Variants in MSMP observed in about 807,000 individuals in gnomAD.
MSMP encodes microseminoprotein, prostate associated.
MSMP carries 9 observed loss-of-function variants against 15.8 expected under a neutral mutation model. That is an observed-to-expected ratio of 0.57 (90% confidence interval 0.34 to 0.99). The LOEUF is 0.99. MSMP is among the 50% of genes least tolerant of loss of function. The probability of loss-of-function intolerance (pLI) is 0.02; values close to 1 mark genes in which losing one functional copy is unlikely to be tolerated. For synonymous variants in MSMP, 64 were observed against 64.4 expected, an observed-to-expected ratio of 0.99 and a Z score of 0.03; for missense variants, 170 against 173.4, an observed-to-expected ratio of 0.98 and a Z score of 0.11.
chr9:35,753,990 C>T lies in MSMP; in HGVS notation c.130+10G>A. The T allele has an allele frequency of 6.2e-7, 1 of 1,610,402 alleles. No homozygotes were observed. Among genetic ancestry groups the T allele is most frequent in the Non-Finnish European group, 8.5e-7 (1 of 1,177,526 alleles). ...TGCTCCTCCATTCCTAACGCTTCAC[C>T]CCACTTTACCTTGAGCTTGGAAGTA... On this transcript the variant is annotated intron_variant, in intron 1 of 2. Coordinates refer to ENST00000436428, the MANE Select transcript of MSMP (RefSeq NM_001044264.3). The surrounding 1 kb of genome is among the most constrained non-coding windows in gnomAD (Gnocchi z 4.2).
Position 35,753,627 on chromosome 9 carries a change from A to G in MSMP, c.239+33T>C. On this transcript the variant is annotated intron_variant, in intron 2 of 2. Coordinates refer to ENST00000436428, the MANE Select transcript of MSMP (RefSeq NM_001044264.3). This position sits in a 1 kb window ranked among gnomAD's most constrained non-coding sequence, Gnocchi z 4.2. ...GTCATCCCTCAGTCACTCATATCAG[A>G]GTCATTCTCTCTGGCCATCTTTGGT... The G allele has an allele frequency of 4.4e-5, 63 of 1,431,574 alleles. No individual in the cohort carries two copies. Among genetic ancestry groups the G allele is most frequent in the Non-Finnish European group, 5.8e-5 (59 of 1,016,322 alleles). 88.7% of individuals were successfully genotyped at this position (1,431,574 alleles called of 1,614,324 possible). A position where few individuals can be genotyped will look rare whatever the true frequency, so the allele number is the denominator to read the frequency against.
Position 35,754,273 on chromosome 9 carries a change from C to T in MSMP, c.-144G>A. 2 of 1,022,302 alleles carry T rather than the reference C, an allele frequency of 2.0e-6. No individual in the cohort carries two copies. The highest frequency in any genetic ancestry group is 2.8e-6 in the Non-Finnish European group (2 of 724,832). 63.3% of individuals were successfully genotyped at this position (1,022,302 alleles called of 1,614,324 possible). A position where few individuals can be genotyped will look rare whatever the true frequency, so the allele number is the denominator to read the frequency against. ...CTCCTGTCTCACACTATCTCCCTGCCCTCTGCTCTCACAGGCTGGGGATGT... is the reference window on the plus strand; with the variant it reads ...CTCCTGTCTCACACTATCTCCCTGCTCTCTGCTCTCACAGGCTGGGGATGT... On this transcript the variant is annotated 5_prime_UTR_variant, in exon 1 of 3. Transcript: ENST00000436428.
chr9:35,753,367 C>A lies in MSMP; in HGVS notation c.240-87G>T. The stretch of plus-strand genomic sequence containing the variant: ...ACATGTTCCCTCTCTCACAGTTTTC[C>A]CCCCACAGAGCCCCTTTCAGTGGCC... On this transcript the variant is annotated intron_variant, in intron 2 of 2. Coordinates refer to ENST00000436428, the MANE Select transcript of MSMP (RefSeq NM_001044264.3). This position sits in a 1 kb window ranked among gnomAD's most constrained non-coding sequence, Gnocchi z 4.2. The A allele has an allele frequency of 6.9e-7, 1 of 1,453,636 alleles. No individual in the cohort carries two copies. Among genetic ancestry groups the A allele is most frequent in the Non-Finnish European group, 9.3e-7 (1 of 1,072,388 alleles). The allele number at this position is 1,453,636 out of a possible 1,614,324, so 90.0% of individuals were successfully genotyped here. A position where few individuals can be genotyped will look rare whatever the true frequency, so the allele number is the denominator to read the frequency against.
Position 35,753,317 on chromosome 9 carries a change from T to G in MSMP, c.240-37A>C, listed in dbSNP as rs1313674287. 1 of 1,597,990 alleles carries G rather than the reference T, an allele frequency of 6.3e-7. No homozygotes were observed. The highest frequency in any genetic ancestry group is 8.5e-7 in the Non-Finnish European group (1 of 1,172,592). On this transcript the variant is annotated intron_variant, in intron 2 of 2. Coordinates refer to ENST00000436428, the MANE Select transcript of MSMP (RefSeq NM_001044264.3). The surrounding 1 kb of genome is among the most constrained non-coding windows in gnomAD (Gnocchi z 4.2). ...AGGATAGGGGAAGGAGTCAGCACAGTGAAAGGCTGCCTTTATCCCTGCCCA... is the reference window on the plus strand; with the variant it reads ...AGGATAGGGGAAGGAGTCAGCACAGGGAAAGGCTGCCTTTATCCCTGCCCA...
chr9:35,753,169 T>G lies in MSMP; in HGVS notation c.351A>C (p.Gly117=). The G allele has an allele frequency of 1.2e-6, 2 of 1,614,060 alleles. No individual in the cohort carries two copies. Among genetic ancestry groups the G allele is most frequent in the Non-Finnish European group, 1.7e-6 (2 of 1,179,996 alleles). Residue 117 remains glycine (G), a synonymous_variant, in exon 3 of 3, where the codon GGA becomes GGC. Transcript: ENST00000436428. The surrounding 1 kb of genome is among the most constrained non-coding windows in gnomAD (Gnocchi z 4.2). The part of the protein sequence containing the change: ...KSDPRLPCKG[G]GPDPEWGSAN... ...CTGAGCCCCATTCTGGGTCAGGCCC[T>G]CCCCCTTTGCAGGGCAGCCGAGGGT... is the stretch of plus-strand genomic sequence containing the variant.
chr9:35,753,080 A>G lies in MSMP; in HGVS notation c.*20T>C, dbSNP rs1440851571. The G allele has an allele frequency of 2.2e-5, 35 of 1,610,830 alleles. No individual in the cohort carries two copies. The highest frequency in any genetic ancestry group is 3.0e-5 in the Non-Finnish European group (35 of 1,177,542). On this transcript the variant is annotated 3_prime_UTR_variant, in exon 3 of 3. Transcript: ENST00000436428. The surrounding 1 kb of genome is among the most constrained non-coding windows in gnomAD (Gnocchi z 4.2). ...GTGGCAGCAGCAGTGAGCAGTCAGC[A>G]GATGGATGATCAGTTGAGTTTAGCT...
rs1485560520 is a variant in MSMP, at chr9:35,754,075, C to A, written c.55G>T (p.Gly19Trp). ...GQAKGILGGW[G>W]IICLVMSLLL... ...AGAGACATCACCAAGCAGATGATCC[C>A]CCAGCCTCCTAGGATCCCCTTGGCC... Residue 19 changes from glycine (G) to tryptophan (W), a missense_variant, in exon 1 of 3, where the codon GGG becomes TGG. Physicochemically the swap from Gly to Trp is radical, Grantham distance 184. Transcript: ENST00000436428. The A allele has an allele frequency of 2.5e-6, 4 of 1,613,580 alleles. No individual in the cohort carries two copies. The highest frequency in any genetic ancestry group is 3.4e-6 in the Non-Finnish European group (4 of 1,179,714).
Position 35,754,170 on chromosome 9 carries a change from T to C in MSMP, c.-41A>G. ...CTCTCAGACCCTTCTTGGCCTCTGC[T>C]CAGCTACTCTGGTCTTGACTCCTTG... On this transcript the variant is annotated 5_prime_UTR_variant, in exon 1 of 3. Transcript: ENST00000436428. 6.3e-7 allele frequency: 1 copy of C among 1,586,368 alleles called. No individual in the cohort carries two copies. Among genetic ancestry groups the C allele is most frequent in the Non-Finnish European group, 8.6e-7 (1 of 1,164,550 alleles).
Position 35,753,019 on chromosome 9 carries a change from A to G in MSMP, c.*81T>C. 2 of 1,564,158 alleles carry G rather than the reference A, an allele frequency of 1.3e-6. No individual in the cohort carries two copies. The highest frequency in any genetic ancestry group is 8.7e-7 in the Non-Finnish European group (1 of 1,144,882). On this transcript the variant is annotated 3_prime_UTR_variant, in exon 3 of 3. Coordinates refer to ENST00000436428, the MANE Select transcript of MSMP (RefSeq NM_001044264.3). This position sits in a 1 kb window ranked among gnomAD's most constrained non-coding sequence, Gnocchi z 4.2. ...AGCTATAGCATTAATTTATTTGTTC[A>G]GAATACATTGGCAGCTGCTAGTGGT...
In MSMP at chr9:35,753,991, C is replaced by T; in HGVS notation, c.130+9G>A. The T allele has an allele frequency of 1.2e-6, 2 of 1,610,978 alleles. No homozygotes were observed. The highest frequency in any genetic ancestry group is 1.7e-6 in the Non-Finnish European group (2 of 1,177,900). On this transcript the variant is annotated intron_variant, in intron 1 of 2. Coordinates refer to ENST00000436428, the MANE Select transcript of MSMP (RefSeq NM_001044264.3). This position sits in a 1 kb window ranked among gnomAD's most constrained non-coding sequence, Gnocchi z 4.2. ...GCTCCTCCATTCCTAACGCTTCACC[C>T]CACTTTACCTTGAGCTTGGAAGTAG...
rs750768999 is a variant in MSMP at position 35,753,715 on chromosome 9, T to C, written c.184A>G (p.Lys62Glu). 25 of 1,614,142 alleles carry C rather than the reference T, an allele frequency of 1.5e-5. No homozygotes were observed. The Admixed American group carries it at 4.0e-4, about 26-fold the overall frequency. The change falls in exon 2 of 3, where the codon AAG (lysine) becomes GAG (glutamate). Residue 62 changes from lysine (K) to glutamate (E), a missense_variant. By Grantham distance (56) the Lys-to-Glu change is moderately conservative. Coordinates refer to ENST00000436428, the MANE Select transcript of MSMP (RefSeq NM_001044264.3). The surrounding 1 kb of genome is among the most constrained non-coding windows in gnomAD (Gnocchi z 4.2). ...AGACAGGTGCAATGGAAACAGTCCTTGCGGAGCCAAGACTCACCCAGGGTA... is the reference window on the plus strand; with the variant it reads ...AGACAGGTGCAATGGAAACAGTCCTCGCGGAGCCAAGACTCACCCAGGGTA... ...YFTLGESWLR[K>E]DCFHCTCLHP...
In MSMP at chr9:35,753,165, G is replaced by T; in HGVS notation, c.355C>A (p.Pro119Thr). Residue 119 changes from proline to threonine, a missense_variant, in exon 3 of 3, where the codon CCT (proline) becomes ACT (threonine). Physicochemically the swap from Pro to Thr is conservative, Grantham distance 38. Transcript: ENST00000436428. The surrounding 1 kb of genome is among the most constrained non-coding windows in gnomAD (Gnocchi z 4.2). The stretch of plus-strand genomic sequence containing the variant: ...TTGGCTGAGCCCCATTCTGGGTCAG[G>T]CCCTCCCCCTTTGCAGGGCAGCCGA... ...DPRLPCKGGG[P>T]DPEWGSANTP... 6.2e-7 allele frequency: 1 copy of T among 1,614,186 alleles called. No homozygotes were observed. The highest frequency in any genetic ancestry group is 8.5e-7 in the Non-Finnish European group (1 of 1,180,024).
Position 35,753,558 on chromosome 9 carries a change from C to T in MSMP, c.239+102G>A. 9.8e-7 allele frequency: 1 copy of T among 1,024,476 alleles called. No homozygotes were observed. Among genetic ancestry groups the T allele is most frequent in the Non-Finnish European group, 1.5e-6 (1 of 681,252 alleles). 63.5% of individuals were successfully genotyped at this position (1,024,476 alleles called of 1,614,324 possible). A position where few individuals can be genotyped will look rare whatever the true frequency, so the allele number is the denominator to read the frequency against. Reference sequence around the variant, plus strand: ...TTCAGGTTTGGCCCATCTTGTATTGCTCTTCTGTTCATTCTTACATCACAG... The same window carrying T: ...TTCAGGTTTGGCCCATCTTGTATTGTTCTTCTGTTCATTCTTACATCACAG... On this transcript the variant is annotated intron_variant, in intron 2 of 2. Transcript: ENST00000436428. This position sits in a 1 kb window ranked among gnomAD's most constrained non-coding sequence, Gnocchi z 4.2.
chr9:35,753,719 G>T lies in MSMP; in HGVS notation c.180C>A (p.Leu60=), dbSNP rs755520107. Residue 60 remains leucine (L), a synonymous_variant, in exon 2 of 3, where the codon CTC becomes CTA. Coordinates refer to ENST00000436428, the MANE Select transcript of MSMP (RefSeq NM_001044264.3). The surrounding 1 kb of genome is among the most constrained non-coding windows in gnomAD (Gnocchi z 4.2). The part of the protein sequence containing the change: ...GKYFTLGESW[L]RKDCFHCTCL... ...AGGTGCAATGGAAACAGTCCTTGCG[G>T]AGCCAAGACTCACCCAGGGTAAAAT... 6.2e-7 allele frequency: 1 copy of T among 1,614,070 alleles called. No homozygotes were observed. Among genetic ancestry groups the T allele is most frequent in the Non-Finnish European group, 8.5e-7 (1 of 1,180,030 alleles).
chr9:35,753,383 T>G lies in MSMP; in HGVS notation c.240-103A>C. ...ACAGTTTTCCCCCCACAGAGCCCCTTTCAGTGGCCCCTTGGTCCTCCTAAC... is the reference window on the plus strand; with the variant it reads ...ACAGTTTTCCCCCCACAGAGCCCCTGTCAGTGGCCCCTTGGTCCTCCTAAC... On this transcript the variant is annotated intron_variant, in intron 2 of 2. Coordinates refer to ENST00000436428, the MANE Select transcript of MSMP (RefSeq NM_001044264.3). This position sits in a 1 kb window ranked among gnomAD's most constrained non-coding sequence, Gnocchi z 4.2. The G allele has an allele frequency of 7.7e-7, 1 of 1,301,476 alleles. No homozygotes were observed. The highest frequency in any genetic ancestry group is 1.1e-6 in the Non-Finnish European group (1 of 946,940). The allele number at this position is 1,301,476 out of a possible 1,614,324, so 80.6% of individuals were successfully genotyped here.
chr9:35,754,049 T>G lies in MSMP; in HGVS notation c.81A>C (p.Leu27=). 4 of 1,613,524 alleles carry G rather than the reference T, an allele frequency of 2.5e-6. No individual in the cohort carries two copies. Among genetic ancestry groups the G allele is most frequent in the Non-Finnish European group, 3.4e-6 (4 of 1,179,788 alleles). The stretch of plus-strand genomic sequence containing the variant: ...TGTAGACTCCTGGGTGCTGGAGGAG[T>G]AGAGACATCACCAAGCAGATGATCC... The part of the protein sequence containing the change: ...GWGIICLVMS[L]LLQHPGVYSK... The change falls in exon 1 of 3, where the codon CTA becomes CTC. Residue 27 remains leucine, a synonymous_variant. Coordinates refer to ENST00000436428, the MANE Select transcript of MSMP (RefSeq NM_001044264.3).
Position 35,753,659 on chromosome 9 carries a change from C to G in MSMP, c.239+1G>C. 1 of 1,612,420 alleles carries G rather than the reference C, an allele frequency of 6.2e-7. No individual in the cohort carries two copies. Among genetic ancestry groups the G allele is most frequent in the Non-Finnish European group, 8.5e-7 (1 of 1,178,670 alleles). On this transcript the variant is annotated splice_donor_variant, in intron 2 of 2. Transcript: ENST00000436428. LOFTEE classifies it high-confidence loss of function. This position sits in a 1 kb window ranked among gnomAD's most constrained non-coding sequence, Gnocchi z 4.2. Reference sequence around the variant, plus strand: ...CTCTCTGGCCATCTTTGGTCACTCACGTGTCACAGCAGCCCACGCCAACAG... The same window carrying G: ...CTCTCTGGCCATCTTTGGTCACTCAGGTGTCACAGCAGCCCACGCCAACAG...
Position 35,753,872 on chromosome 9 carries a change from T to C in MSMP, c.131-104A>G. The C allele has an allele frequency of 6.5e-7, 1 of 1,531,572 alleles. No individual in the cohort carries two copies. The highest frequency in any genetic ancestry group is 1.8e-5 in the Admixed American group (1 of 56,036). The allele number at this position is 1,531,572 out of a possible 1,614,324, so 94.9% of individuals were successfully genotyped here. A position where few individuals can be genotyped will look rare whatever the true frequency, so the allele number is the denominator to read the frequency against. On this transcript the variant is annotated intron_variant, in intron 1 of 2. Coordinates refer to ENST00000436428, the MANE Select transcript of MSMP (RefSeq NM_001044264.3). This position sits in a 1 kb window ranked among gnomAD's most constrained non-coding sequence, Gnocchi z 4.2. The stretch of plus-strand genomic sequence containing the variant: ...AGTAAGTACGCACTATCCCCGTATT[T>C]AGTTTGTCTTTCCTGTTTCACAGCT...
rs917553751 is a variant in MSMP, at chr9:35,754,262, T to G, written c.-133A>C. On this transcript the variant is annotated 5_prime_UTR_variant, in exon 1 of 3. Transcript: ENST00000436428. ...TCTCCCCTGGGCTCCTGTCTCACACTATCTCCCTGCCCTCTGCTCTCACAG... is the reference window on the plus strand; with the variant it reads ...TCTCCCCTGGGCTCCTGTCTCACACGATCTCCCTGCCCTCTGCTCTCACAG... 7 of 1,142,970 alleles carry G rather than the reference T, an allele frequency of 6.1e-6. No individual in the cohort carries two copies. The highest frequency in any genetic ancestry group is 8.5e-6 in the Non-Finnish European group (7 of 821,840). The allele number at this position is 1,142,970 out of a possible 1,614,324, so 70.8% of individuals were successfully genotyped here.
Sources: allele counts gnomAD v4.1 joint callset, GRCh38; gene constraint gnomAD v4.1.1; non-coding constraint Gnocchi (gnomAD v3.1); transcripts MANE v1.5; gene names NCBI Gene and HGNC (gene_info 2026-07-23, HGNC 2026-07-21).